The following RFX3 variants were observed in gnomAD, a reference collection of about 807,000 sequenced individuals.
The protein encoded by RFX3 is regulatory factor X3.
RFX3 carries 14 observed loss-of-function variants against 98.6 expected under a neutral mutation model. The ratio of observed to expected loss-of-function variants is 0.14; its 90% CI spans 0.09 to 0.22. The LOEUF is 0.22. Among genes scored for constraint, RFX3 ranks in the 10% least tolerant of loss-of-function variants. RFX3 has a pLI of 1.00. For missense variants in RFX3, 639 were observed against 926.9 expected (o/e 0.69, Z 4.03); for synonymous variants, 383 against 328.4 (o/e 1.17, Z -1.80).
chr9:3,331,686 A>G (rs1384672498), intron 3 of RFX3, among the ~76,000 whole-genome samples: 2 of 151,812 alleles, frequency 1.3e-5, no homozygotes, highest in African/African-American at 4.8e-5. Context: ...GGAATCTCCA[A>G]TTTTTCTAGC....
At chr9:3,234,915 A>G (rs1818932515) in intron 15 of RFX3, among the ~76,000 whole-genome samples, 1 of 152,254 alleles carries the variant, frequency 6.6e-6, no homozygotes. Context: ...CAGCTCATGC[A>G]TATGGGCATC....
At position 3,329,544 on chromosome 9, in the gene RFX3, A is replaced by G. The variant is rs141865468; in HGVS notation, c.474+715T>C. On this transcript the variant is annotated intron_variant, in intron 4 of 16. Transcript: ENST00000617270. Reference sequence around the variant, plus strand: ...ATCTATGATCAGAGCCAACACAAATATTTTTCATCTGAATCACCTATAGTA... The same window carrying G: ...ATCTATGATCAGAGCCAACACAAATGTTTTTCATCTGAATCACCTATAGTA... Among the ~76,000 whole-genome samples the G allele has an allele frequency of 6.1e-3, 930 of 152,068 alleles. 3 individuals are homozygous for G. The highest frequency in any genetic ancestry group is 9.9e-3 in the Non-Finnish European group (674 of 67,972).
Position 3,223,616 on chromosome 9 carries a change from C to A in RFX3, c.*1426G>T, listed in dbSNP as rs908710289. 6.6e-6 allele frequency: 1 copy of A among 152,150 alleles called. No homozygotes were observed. Among genetic ancestry groups the A allele is most frequent in the Admixed American group, 6.5e-5 (1 of 15,272 alleles). The allele number at this position is 152,150 out of a possible 1,614,324, so 9.4% of individuals were successfully genotyped here. On this transcript the variant is annotated 3_prime_UTR_variant, in exon 17 of 17. Coordinates refer to ENST00000617270, the MANE Select transcript of RFX3 (RefSeq NM_001282116.2). ...TCAGCTCTAAGAATAAAAAATAGAT[C>A]CACGGTCACTCAAAGAGGGAAACTG...
chr9:3,524,595 A>G (rs1267514364), intron 1 of RFX3: 1 of 982,952 alleles, frequency 1.0e-6, no homozygotes, highest in African/African-American at 1.7e-5. Context: ...AACTGTCACA[A>G]ATAACACTGT....
chr9:3,412,328 T>C (rs1259608512), intron 1 of RFX3, among the ~76,000 whole-genome samples: 1 of 152,162 alleles, frequency 6.6e-6, no homozygotes, highest in African/African-American at 2.4e-5. Flanking sequence ...TGTTTGAATA[T>C]CCATAATGAA....
At chr9:3,237,089 A>G (rs144946562) in intron 15 of RFX3, among the ~76,000 whole-genome samples, 30 of 152,358 alleles carry the variant, frequency 2.0e-4, no homozygotes, top group African/African-American at 7.0e-4. Flanking sequence ...ACAAGTACTT[A>G]CAAAACCTTT....
chr9:3,257,034 G>T lies in RFX3; in HGVS notation c.1771C>A (p.Pro591Thr), dbSNP rs1467310309. 4 of 1,614,006 alleles carry T rather than the reference G, an allele frequency of 2.5e-6. No individual in the cohort carries two copies. The South Asian group carries it at 4.4e-5, about 18-fold the overall frequency. Residue 591 changes from proline to threonine, a missense_variant, in exon 14 of 17, where the codon CCT (proline) becomes ACT (threonine). Physicochemically the swap from Pro to Thr is conservative, Grantham distance 38. This residue lies in a region of RFX3 where 138 missense variants were observed against 308.9 expected (regional missense o/e 0.45). Transcript: ENST00000617270. ...LKPYEGRPSF[P>T]KAARQFLLKW... Reference sequence around the variant, plus strand: ...AGCAGAAACTGCCTGGCGGCTTTAGGAAAACTGGGTCTTCCTTCATAGGGT... The same window carrying T: ...AGCAGAAACTGCCTGGCGGCTTTAGTAAAACTGGGTCTTCCTTCATAGGGT...
intron 4 of RFX3, among the ~76,000 whole-genome samples, chr9:3,320,627 T>C (rs1490571054): frequency 2.0e-5 from 3 of 147,322 alleles, no homozygotes; most frequent in African/African-American, 7.7e-5. Context: ...TGTTTCTATT[T>C]ACACACACAC....
chr9:3,316,899 A>C (rs1830673510), intron 4 of RFX3, among the ~76,000 whole-genome samples: 1 of 152,156 alleles, frequency 6.6e-6, no homozygotes, highest in African/African-American at 2.4e-5. Flanking sequence ...ATATTCCATA[A>C]CCATGGATAG....
chr9:3,289,961 G>C (rs1417057367), intron 6 of RFX3, among the ~76,000 whole-genome samples: 2 of 151,780 alleles, frequency 1.3e-5, no homozygotes, highest in Non-Finnish European at 2.9e-5. Context: ...TATTTAATTT[G>C]CCTCATGATT....
chr9:3,236,644 C>A (rs754589157), intron 15 of RFX3, among the ~76,000 whole-genome samples: 1 of 152,130 alleles, frequency 6.6e-6, no homozygotes, highest in Admixed American at 6.5e-5. Flanking sequence ...TATCAGATGG[C>A]GGAAGTGACC....
At chr9:3,480,376 G>C (rs1020170805) in intron 1 of RFX3, among the ~76,000 whole-genome samples, 1 of 152,142 alleles carries the variant, frequency 6.6e-6, no homozygotes, top group Non-Finnish European at 1.5e-5. Flanking sequence ...CCTCTCTCTC[G>C]AAAACACAAA....
chr9:3,263,511 G>A (rs1289199581), intron 12 of RFX3, among the ~76,000 whole-genome samples: 1 of 152,096 alleles, frequency 6.6e-6, no homozygotes, highest in African/African-American at 2.4e-5. Context: ...CAAATAAAAA[G>A]AGATCTGGAC....
chr9:3,516,179 G>C (rs1224392733), intron 1 of RFX3, among the ~76,000 whole-genome samples: 3 of 151,934 alleles, frequency 2.0e-5, no homozygotes, highest in Non-Finnish European at 4.4e-5. Flanking sequence ...CTCCCGAGTA[G>C]CTAGGACTAC....
intron 2 of RFX3, among the ~76,000 whole-genome samples, chr9:3,353,531 G>A (rs955799302): frequency 6.6e-6 from 1 of 151,938 alleles, no homozygotes; most frequent in African/African-American, 2.4e-5. Flanking sequence ...ACCCATAGTG[G>A]TAAGACTGTA....
chr9:3,354,285 C>T (rs1835486926), intron 2 of RFX3, among the ~76,000 whole-genome samples: 1 of 151,798 alleles, frequency 6.6e-6, no homozygotes, highest in Admixed American at 6.6e-5. Flanking sequence ...AGAAGAACAT[C>T]ATCAATGTAC....
intron 1 of RFX3, among the ~76,000 whole-genome samples, chr9:3,470,201 A>T (rs1488537295): frequency 3.9e-5 from 6 of 152,256 alleles, no homozygotes; most frequent in African/African-American, 1.2e-4. Flanking sequence ...CAGCATAGCT[A>T]TGTGGCCACA....
At chr9:3,477,991 T>A (rs1005056251) in intron 1 of RFX3, among the ~76,000 whole-genome samples, 1 of 152,194 alleles carries the variant, frequency 6.6e-6, no homozygotes, top group Non-Finnish European at 1.5e-5. Context: ...CCTTGTTTTT[T>A]AATAATTTCT....
intron 1 of RFX3, among the ~76,000 whole-genome samples, chr9:3,516,813 C>G (rs972015610): frequency 6.6e-6 from 1 of 152,138 alleles, no homozygotes; most frequent in Non-Finnish European, 1.5e-5. Flanking sequence ...TGGTGAGCAA[C>G]AGACAGGAGG....
Sources: allele counts gnomAD v4.1 joint callset (sites outside exome capture counted in the v4.1 genomes callset), GRCh38; gene constraint gnomAD v4.1.1; regional missense constraint gnomAD v4.1.1; transcripts MANE v1.5; gene names NCBI Gene and HGNC (gene_info 2026-07-23, HGNC 2026-07-21).